Variants in STRADA observed in about 807,000 individuals in gnomAD.
STRADA encodes the protein STE20-related kinase adapter protein alpha.
Under a neutral mutation model 55.0 loss-of-function variants are expected in STRADA, and 26 were observed. That is an observed-to-expected ratio of 0.47 (90% confidence interval 0.35 to 0.66). STRADA has a LOEUF of 0.66. Ranked by LOEUF, STRADA falls within the 30% of genes least tolerant of loss-of-function variation. The probability of loss-of-function intolerance (pLI) is 0.01; values close to 1 mark genes in which losing one functional copy is unlikely to be tolerated. For synonymous variants in STRADA, 197 were observed against 210.9 expected (o/e 0.93, Z 0.57); for missense variants, 443 against 549.7 (o/e 0.81, Z 1.94).
chr17:63,707,622 C>G (rs896639431), intron 8 of STRADA: 16 of 541,754 alleles, frequency 3.0e-5, no homozygotes, highest in Non-Finnish European at 5.2e-5. Context: ...TGCAGTGGCT[C>G]AATCTAGGCT....
intron 1 of STRADA, among the ~76,000 whole-genome samples, chr17:63,737,893 G>A (rs1221029556): frequency 1.3e-5 from 2 of 152,066 alleles, no homozygotes; most frequent in Non-Finnish European, 2.9e-5. Context: ...AGGCTGAGAC[G>A]GGAGGATCAC....
rs2035858426 is a variant in STRADA, at chr17:63,703,598, C to T, written c.*1G>A. ...GGAGAATGCGCACAGTTTGCAGAGG[C>T]TCAGAACTCCCAATCGTCCACCTCC... On this transcript the variant is annotated 3_prime_UTR_variant, in exon 13 of 13. Coordinates refer to ENST00000336174, the MANE Select transcript of STRADA (RefSeq NM_001003787.4). The T allele has an allele frequency of 1.9e-6, 3 of 1,613,062 alleles. No individual in the cohort carries two copies. In the East Asian group the frequency reaches 6.7e-5, roughly 36 times the overall value.
Position 63,703,479 on chromosome 17 carries a change from TG to T in STRADA, c.*119del. The T allele has an allele frequency of 1.0e-6, 1 of 984,744 alleles. No homozygotes were observed. The allele number at this position is 984,744 out of a possible 1,614,324, so 61.0% of individuals were successfully genotyped here. A position where few individuals can be genotyped will look rare whatever the true frequency, so the allele number is the denominator to read the frequency against. On this transcript the variant is annotated 3_prime_UTR_variant, in exon 13 of 13. Coordinates refer to ENST00000336174, the MANE Select transcript of STRADA (RefSeq NM_001003787.4). ...CCAATCAGTCAGCAGTCAACTTTCC[TG>T]GAAGAATGTCCTTTCTACCCAATCT...
intron 1 of STRADA, among the ~76,000 whole-genome samples, chr17:63,739,193 TAG>T (rs2038685623): frequency 1.4e-5 from 2 of 143,026 alleles, no homozygotes; most frequent in African/African-American, 5.2e-5. Context: ...TGGAGAGAGA[TAG>T]AGATGAGACT....
chr17:63,718,078 A>G (rs1222258109), intron 4 of STRADA, among the ~76,000 whole-genome samples: 1 of 152,118 alleles, frequency 6.6e-6, no homozygotes. Flanking sequence ...ATGTGCCACC[A>G]CGCCTAGCTA....
At chr17:63,741,681 G>C (rs2038961090) in intron 1 of STRADA, 60 bp downstream of exon 1, 1 of 152,332 alleles carries the variant, frequency 6.6e-6, no homozygotes, top group East Asian at 1.9e-4. Context: ...GATGGAATCG[G>C]TGGCAGAGCC....
intron 1 of STRADA, among the ~76,000 whole-genome samples, chr17:63,733,876 T>G (rs138464988): frequency 6.6e-6 from 1 of 152,210 alleles, no homozygotes; most frequent in Non-Finnish European, 1.5e-5. Context: ...CTTCTTGCTT[T>G]GAGTCCTGTG....
intron 1 of STRADA, among the ~76,000 whole-genome samples, chr17:63,733,057 T>G (rs1011563194): frequency 5.9e-5 from 9 of 152,170 alleles, no homozygotes; most frequent in Non-Finnish European, 1.3e-4. Flanking sequence ...CCAGCTAGTT[T>G]TTTTGTATTT....
At chr17:63,722,837 T>C (rs1484785385) in intron 4 of STRADA, among the ~76,000 whole-genome samples, 2 of 152,240 alleles carry the variant, frequency 1.3e-5, no homozygotes, top group African/African-American at 4.8e-5. Context: ...TTATACTTTT[T>C]AATTTTGCTT....
At chr17:63,731,261 T>C (rs2038032371) in intron 1 of STRADA, among the ~76,000 whole-genome samples, 1 of 139,092 alleles carries the variant, frequency 7.2e-6, no homozygotes, top group African/African-American at 2.7e-5. Flanking sequence ...CTTTCCTTTT[T>C]TTTTTTTTTT....
At chr17:63,741,173 GCC>G (rs1297939598) in intron 1 of STRADA, 2 of 152,252 alleles carry the variant, frequency 1.3e-5, no homozygotes, top group East Asian at 3.9e-4. Context: ...CCTACCCACT[GCC>G]CCTCCCTCGA....
At chr17:63,731,362 A>G (rs1047078915) in intron 1 of STRADA, among the ~76,000 whole-genome samples, 1 of 144,602 alleles carries the variant, frequency 6.9e-6, no homozygotes, top group Non-Finnish European at 1.5e-5. Context: ...TCCTGGGTTC[A>G]AGTGATTCCC....
intron 2 of STRADA, chr17:63,726,933 A>C: frequency 3.5e-6 from 2 of 565,122 alleles, no homozygotes; most frequent in Non-Finnish European, 6.2e-6. Flanking sequence ...TGAGAAATAG[A>C]TAGTACTGGC....
At position 63,739,779 on chromosome 17, in the gene STRADA, TATACATATAATGTACATA is replaced by T. The variant is rs1453891517; in HGVS notation, c.-45+1944_-45+1961del. Among the ~76,000 whole-genome samples the T allele has an allele frequency of 3.2e-3, 449 of 141,176 alleles. 2 individuals are homozygous for T. The highest frequency in any genetic ancestry group is 5.3e-3 in the Non-Finnish European group (349 of 65,878). The allele number at this position is 141,176 out of a possible 152,430, so 92.6% of individuals were successfully genotyped here. On this transcript the variant is annotated intron_variant, in intron 1 of 12. Coordinates refer to ENST00000336174, the MANE Select transcript of STRADA (RefSeq NM_001003787.4). The stretch of plus-strand genomic sequence containing the variant: ...ATATATTTATGTATATATGTACATA[TATACATATAATGTACATA>T]ATTATATGTATATACATATAATGTA...
chr17:63,704,000 G>C lies in STRADA; in HGVS notation c.1143+5C>G, dbSNP rs116089215. Reference sequence around the variant, plus strand: ...ACCAGAACCAGAACGAAGGGGCTACGATACCTGCTTGAAGAAAGAGTGGTT... The same window carrying C: ...ACCAGAACCAGAACGAAGGGGCTACCATACCTGCTTGAAGAAAGAGTGGTT... On this transcript the variant is annotated splice_donor_5th_base_variant and intron_variant, in intron 12 of 12. Transcript: ENST00000336174. The C allele has an allele frequency of 6.2e-6, 10 of 1,613,956 alleles. No homozygotes were observed. Among genetic ancestry groups the C allele is most frequent in the South Asian group, 2.2e-5 (2 of 91,048 alleles).
chr17:63,740,086 C>CTATATA lies in STRADA; in HGVS notation c.-45+1649_-45+1654dup, dbSNP rs771962134. ...CCCAGCCTATCAGAAACATTTAACA[C>CTATATA]TATATATATATATATATATATACAT... On this transcript the variant is annotated intron_variant, in intron 1 of 12. Coordinates refer to ENST00000336174, the MANE Select transcript of STRADA (RefSeq NM_001003787.4). Among the ~76,000 whole-genome samples the CTATATA allele has an allele frequency of 4.3e-3, 176 of 41,340 alleles. 4 individuals are homozygous for CTATATA. Among genetic ancestry groups the CTATATA allele is most frequent in the South Asian group, 6.4e-3 (6 of 942 alleles). 27.1% of individuals were successfully genotyped at this position (41,340 alleles called of 152,430 possible).
chr17:63,726,569 G>T, intron 3 of STRADA, 69 bp downstream of exon 3: 1 of 1,489,650 alleles, frequency 6.7e-7, no homozygotes, highest in South Asian at 1.2e-5. Context: ...GCTATAGATT[G>T]ATTTAGTCAA....
intron 4 of STRADA, chr17:63,714,335 G>T: frequency 2.2e-6 from 1 of 465,038 alleles, no homozygotes; most frequent in Non-Finnish European, 4.0e-6. Context: ...AGGAGACAAG[G>T]ACCTGTTCCC....
chr17:63,721,603 A>T (rs2037328390), intron 4 of STRADA, among the ~76,000 whole-genome samples: 1 of 150,930 alleles, frequency 6.6e-6, no homozygotes, highest in Admixed American at 6.6e-5. Flanking sequence ...AATCCCAGCT[A>T]CTCGGGAGGT....
Sources: gnomAD v4.1 joint callset for allele counts (sites outside exome capture counted in the v4.1 genomes callset) on GRCh38, gnomAD v4.1.1 for gene constraint, MANE v1.5 for transcripts, NCBI Gene and HGNC (gene_info 2026-07-23, HGNC 2026-07-21) for gene names.